The following CSMD1 variants were observed in gnomAD, a reference collection of about 807,000 sequenced individuals.
The protein encoded by CSMD1 is CUB and sushi domain-containing protein 1.
A neutral mutation model predicts 417.5 loss-of-function variants in CSMD1; 213 were observed. That is an observed-to-expected ratio of 0.51 (90% confidence interval 0.46 to 0.57). The LOEUF (loss-of-function observed/expected upper bound fraction) is 0.57. CSMD1 is among the 20% of genes least tolerant of loss of function. The pLI is 0.00. For missense variants in CSMD1, 6,923 were observed against 4,529.7 expected, an observed-to-expected ratio of 1.53 and a Z score of -15.17; for synonymous variants, 2,862 against 1,736.8, an observed-to-expected ratio of 1.65 and a Z score of -16.11.
At chr8:4,075,826 G>A (rs562936640) in intron 3 of CSMD1, among the ~76,000 whole-genome samples, 8 of 152,208 alleles carry the variant, frequency 5.3e-5, no homozygotes, top group African/African-American at 1.9e-4. Context: ...TTGTCAGAGT[G>A]AAAAAGGAAG....
intron 3 of CSMD1, among the ~76,000 whole-genome samples, chr8:4,237,730 C>G (rs576392399): frequency 6.6e-6 from 1 of 152,234 alleles, no homozygotes; most frequent in Admixed American, 6.5e-5. Flanking sequence ...CCAGGCTAGT[C>G]TCAAATTCTT....
chr8:3,392,946 G>C (rs975347717), intron 17 of CSMD1, among the ~76,000 whole-genome samples: 8 of 151,978 alleles, frequency 5.3e-5, no homozygotes, highest in African/African-American at 2.4e-5. Flanking sequence ...TGCAGGGCTG[G>C]TGATAAGCAC....
At chr8:4,405,040 G>T (rs182910461) in intron 3 of CSMD1, among the ~76,000 whole-genome samples, 2 of 152,224 alleles carry the variant, frequency 1.3e-5, no homozygotes, top group African/African-American at 4.8e-5. Context: ...CTAGCATGTC[G>T]TGACTATGCT....
chr8:3,278,841 G>C (rs904986803), intron 26 of CSMD1: 1 of 152,200 alleles, frequency 6.6e-6, no homozygotes, highest in Non-Finnish European at 1.5e-5. Flanking sequence ...TTCATGGCTG[G>C]ATTCGCCAGT....
rs534942243 is a variant in CSMD1, at chr8:4,438,936, G to A, written c.303-18871C>T. Among the ~76,000 whole-genome samples, 303 of 152,308 alleles carry A rather than the reference G, an allele frequency of 2.0e-3. 3 individuals are homozygous for A. Among genetic ancestry groups the A allele is most frequent in the Admixed American group, 1.6e-3 (24 of 15,296 alleles). On this transcript the variant is annotated intron_variant, in intron 2 of 69. Coordinates refer to ENST00000635120, the MANE Select transcript of CSMD1 (RefSeq NM_033225.6). ...GCATAAGTAACAATATATGGTGTAG[G>A]ATTCCGTAAATGAATTAATGTGAAG... is the stretch of plus-strand genomic sequence containing the variant.
chr8:3,197,922 A>T (rs1460078018), intron 33 of CSMD1, among the ~76,000 whole-genome samples: 1 of 152,210 alleles, frequency 6.6e-6, no homozygotes, highest in African/African-American at 2.4e-5. Context: ...TTTTGACAAA[A>T]AGACATCAAT....
At chr8:4,712,524 T>C (rs1442728298) in intron 1 of CSMD1, among the ~76,000 whole-genome samples, 5 of 152,182 alleles carry the variant, frequency 3.3e-5, no homozygotes, top group African/African-American at 4.8e-5. Flanking sequence ...ATTTTCCTTA[T>C]CCCTTTATCA....
chr8:4,703,688 G>T (rs1264528555), intron 1 of CSMD1, among the ~76,000 whole-genome samples: 1 of 152,088 alleles, frequency 6.6e-6, no homozygotes, highest in African/African-American at 2.4e-5. Context: ...ACTTAGCATT[G>T]CCTGCGACCT....
intron 3 of CSMD1, among the ~76,000 whole-genome samples, chr8:4,111,816 T>C (rs1226633168): frequency 2.0e-5 from 3 of 152,062 alleles, no homozygotes; most frequent in Non-Finnish European, 4.4e-5. Context: ...CTAATACATA[T>C]GGGGCTTGAA....
At chr8:4,687,732 A>C (rs1806482123) in intron 1 of CSMD1, among the ~76,000 whole-genome samples, 1 of 152,002 alleles carries the variant, frequency 6.6e-6, no homozygotes, top group South Asian at 2.1e-4. Context: ...TTTCCACACT[A>C]GGTTCTTCTT....
intron 5 of CSMD1, among the ~76,000 whole-genome samples, chr8:3,806,399 GT>G (rs1800743222): frequency 6.6e-6 from 1 of 152,174 alleles, no homozygotes; most frequent in South Asian, 2.1e-4. Flanking sequence ...ACACAAAAGC[GT>G]GTGTGAAGCC....
At position 4,383,884 on chromosome 8, in the gene CSMD1, A is replaced by C. The variant is rs567019425; in HGVS notation, c.415+36069T>G. Among the ~76,000 whole-genome samples, 233 of 152,352 alleles carry C rather than the reference A, an allele frequency of 1.5e-3. 1 individual carries two copies. Among genetic ancestry groups the C allele is most frequent in the African/African-American group, 5.4e-3 (223 of 41,588 alleles). On this transcript the variant is annotated intron_variant, in intron 3 of 69. Coordinates refer to ENST00000635120, the MANE Select transcript of CSMD1 (RefSeq NM_033225.6). The stretch of plus-strand genomic sequence containing the variant: ...AATTTTAAAGAAGAAAATATCTTAA[A>C]ATATATTTTAGATACTCATAAATGT...
At chr8:3,886,531 G>A (rs751988280) in intron 5 of CSMD1, among the ~76,000 whole-genome samples, 1 of 152,192 alleles carries the variant, frequency 6.6e-6, no homozygotes, top group African/African-American at 2.4e-5. Context: ...TTTGAAAGCA[G>A]GCCATGGACA....
intron 49 of CSMD1, among the ~76,000 whole-genome samples, chr8:3,054,125 A>T (rs749021095): frequency 6.6e-6 from 1 of 152,214 alleles, no homozygotes; most frequent in Non-Finnish European, 1.5e-5. Context: ...GCAAAAGCAC[A>T]GGTTATCTCC....
At chr8:3,633,554 T>G (rs544502160) in intron 7 of CSMD1, among the ~76,000 whole-genome samples, 1 of 152,356 alleles carries the variant, frequency 6.6e-6, no homozygotes, top group Non-Finnish European at 1.5e-5. Context: ...TGCACGCACG[T>G]CAAAAGTTCA....
chr8:3,900,731 T>C (rs1415617299), intron 5 of CSMD1, among the ~76,000 whole-genome samples: 4 of 151,116 alleles, frequency 2.6e-5, no homozygotes, highest in South Asian at 2.1e-4. Flanking sequence ...GGTGACACTA[T>C]AGCTAGCTGC....
intron 3 of CSMD1, among the ~76,000 whole-genome samples, chr8:4,206,205 T>A (rs572199058): frequency 6.6e-6 from 1 of 152,318 alleles, no homozygotes; most frequent in East Asian, 1.9e-4. Context: ...CTTTTTCTTT[T>A]TTTAAATACT....
chr8:3,114,034 A>T (rs182681352), intron 42 of CSMD1, among the ~76,000 whole-genome samples: 84 of 152,122 alleles, frequency 5.5e-4, no homozygotes, highest in Non-Finnish European at 1.1e-3. Flanking sequence ...TCTGGGCAAT[A>T]CAGGGAGATC....
intron 1 of CSMD1, among the ~76,000 whole-genome samples, chr8:4,831,433 G>A (rs1800141808): frequency 6.6e-6 from 1 of 152,148 alleles, no homozygotes; most frequent in South Asian, 2.1e-4. Context: ...ATATCCATAT[G>A]CATTATGGAG....
Sources: gnomAD v4.1 joint callset for allele counts (sites outside exome capture counted in the v4.1 genomes callset) on GRCh38, gnomAD v4.1.1 for gene constraint, MANE v1.5 for transcripts, NCBI Gene and HGNC (gene_info 2026-07-23, HGNC 2026-07-21) for gene names.